The following HEXB variants were observed in gnomAD, a reference collection of about 807,000 sequenced individuals.
HEXB encodes beta-hexosaminidase subunit beta.
In HEXB, 51 loss-of-function variants were observed where a neutral mutation model predicts 71.2. The ratio of observed to expected loss-of-function variants is 0.72; its 90% confidence interval spans 0.57 to 0.90. HEXB has a LOEUF of 0.90. Among genes scored for constraint, HEXB ranks in the 40% least tolerant of loss-of-function variants. The pLI, the probability that HEXB is intolerant of heterozygous loss-of-function variation, is 0.00. For synonymous variants in HEXB, 266 were observed against 249.3 expected (o/e 1.07, Z -0.63); for missense variants, 617 against 677.0 (o/e 0.91, Z 0.98).
chr5:74,644,858 C>G lies in HEXB; in HGVS notation c.-377+4300C>G, dbSNP rs138444875. On this transcript the variant is annotated intron_variant, in intron 1 of 13. Transcript: ENST00000511181. ...GCAATCTCGGCTCACTACAACCTCCCCCTCTCAGATTCAAGCAATTCTCCT... is the reference window on the plus strand; with the variant it reads ...GCAATCTCGGCTCACTACAACCTCCGCCTCTCAGATTCAAGCAATTCTCCT... Among the ~76,000 whole-genome samples, 610 of 148,326 alleles carry G rather than the reference C, an allele frequency of 4.1e-3. 5 individuals are homozygous for G. The highest frequency in any genetic ancestry group is 0.014 in the African/African-American group (580 of 40,140).
rs757387257 is a variant in HEXB, at chr5:74,713,630, G to GAA, written c.899_900dup (p.Gly301LysfsTer7). ...ACCCCTGGGCATACACTATCTTGGG[G>GAA]AAAAGGTAAGGAGTTGTATTTTATT... is the stretch of plus-strand genomic sequence containing the variant. On this transcript the variant is annotated frameshift_variant, in exon 7 of 14. Transcript: ENST00000261416. LOFTEE classifies it high-confidence loss of function. 2 of 1,612,244 alleles carry GAA rather than the reference G, an allele frequency of 1.2e-6. No homozygotes were observed. Among genetic ancestry groups the GAA allele is most frequent in the South Asian group, 2.2e-5 (2 of 91,022 alleles).
chr5:74,674,576 T>C (rs1371948885), intron 1 of HEXB, among the ~76,000 whole-genome samples: 4 of 140,856 alleles, frequency 2.8e-5, no homozygotes, highest in Non-Finnish European at 6.0e-5. Context: ...TGCACTCCAG[T>C]CTGGGAGACA....
intron 1 of HEXB, among the ~76,000 whole-genome samples, chr5:74,651,311 T>A (rs972134813): frequency 6.6e-6 from 1 of 152,232 alleles, no homozygotes; most frequent in African/African-American, 2.4e-5. Context: ...ACTGTGTGTC[T>A]AACCCTTAGC....
intron 6 of HEXB, among the ~76,000 whole-genome samples, chr5:74,708,347 T>C (rs1167542929): frequency 5.4e-4 from 82 of 151,498 alleles, no homozygotes; most frequent in Non-Finnish European, 1.8e-4. Context: ...TGCCAAAGTG[T>C]AAAGACCATC....
intron 1 of HEXB, among the ~76,000 whole-genome samples, chr5:74,663,054 C>T (rs1018039758): frequency 3.3e-5 from 5 of 152,216 alleles, no homozygotes; most frequent in African/African-American, 1.2e-4. Flanking sequence ...TTAAAGTACA[C>T]ACTTCCAAGT....
chr5:74,678,530 A>G lies in HEXB; in HGVS notation c.-376-10798A>G, dbSNP rs190577986. 3.3e-3 allele frequency among the ~76,000 whole-genome samples: 360 copies of G among 109,308 alleles called. 2 individuals are homozygous for G. The highest frequency in any genetic ancestry group is 0.01 in the African/African-American group (349 of 34,458). 71.7% of individuals were successfully genotyped at this position (109,308 alleles called of 152,430 possible). On this transcript the variant is annotated intron_variant, in intron 1 of 13. Transcript: ENST00000511181. ...TTTCATGATTGGCTAGCCATTTGGG[A>G]AAAAAAAAGCCTTACCTTAACTATG...
At chr5:74,666,163 C>A (rs1460030160) in intron 1 of HEXB, among the ~76,000 whole-genome samples, 2 of 152,198 alleles carry the variant, frequency 1.3e-5, no homozygotes, top group Non-Finnish European at 2.9e-5. Context: ...GGCTCGACTG[C>A]AAACCATAGA....
At chr5:74,655,204 T>A (rs188091205) in intron 1 of HEXB, among the ~76,000 whole-genome samples, 3 of 152,286 alleles carry the variant, frequency 2.0e-5, no homozygotes, top group Admixed American at 2.0e-4. Context: ...ATGACATGGT[T>A]GTTCATAACA....
At chr5:74,668,328 T>TGTTA (rs1748474213) in intron 1 of HEXB, among the ~76,000 whole-genome samples, 1 of 152,126 alleles carries the variant, frequency 6.6e-6, no homozygotes, top group South Asian at 2.1e-4. Flanking sequence ...TTTTATAACT[T>TGTTA]GTTCATATAT....
intron 6 of HEXB, among the ~76,000 whole-genome samples, chr5:74,707,345 A>C (rs1749423537): frequency 1.3e-5 from 2 of 152,236 alleles, no homozygotes; most frequent in Non-Finnish European, 2.9e-5. Context: ...ATGGGGAAAA[A>C]ACAGAGCAGA....
chr5:74,644,293 C>T (rs1431252639), intron 1 of HEXB, among the ~76,000 whole-genome samples: 1 of 152,208 alleles, frequency 6.6e-6, no homozygotes, highest in Non-Finnish European at 1.5e-5. Context: ...GGCTACATCA[C>T]CCAGTTGCTG....
In HEXB at chr5:74,718,280, T is replaced by G; in HGVS notation, c.1170-11T>G. The G allele has an allele frequency of 6.5e-7, 1 of 1,530,682 alleles. No individual in the cohort carries two copies. Among genetic ancestry groups the G allele is most frequent in the Non-Finnish European group, 9.1e-7 (1 of 1,104,060 alleles). The allele number at this position is 1,530,682 out of a possible 1,614,324, so 94.8% of individuals were successfully genotyped here. On this transcript the variant is annotated splice_polypyrimidine_tract_variant and intron_variant, in intron 9 of 13. Transcript: ENST00000261416. The stretch of plus-strand genomic sequence containing the variant: ...TGATCTAAAATAACTATAATTTTTT[T>G]GTAATACTAGGGTTTTGGATATTAT...
intron 1 of HEXB, among the ~76,000 whole-genome samples, chr5:74,660,095 G>C (rs1748292031): frequency 6.6e-6 from 1 of 152,040 alleles, no homozygotes; most frequent in Non-Finnish European, 1.5e-5. Flanking sequence ...ATAAATAAAG[G>C]GACATTTGGA....
At chr5:74,689,507 C>G in intron 2 of HEXB, 34 bp downstream of exon 2, 1 of 1,596,196 alleles carries the variant, frequency 6.3e-7, no homozygotes, top group Non-Finnish European at 8.6e-7. Flanking sequence ...GTATTATATC[C>G]CAGGTGCTCG....
intron 9 of HEXB, among the ~76,000 whole-genome samples, chr5:74,717,366 G>GGC (rs1749696430): frequency 6.6e-6 from 1 of 151,950 alleles, no homozygotes; most frequent in African/African-American, 2.4e-5. Context: ...CTGTCCATAT[G>GGC]TAAATTAATT....
chr5:74,710,033 C>T, intron 6 of HEXB, among the ~76,000 whole-genome samples: 1 of 152,092 alleles, frequency 6.6e-6, no homozygotes, highest in Non-Finnish European at 1.5e-5. Context: ...ATGCAAAAAT[C>T]CTCAATAAAA....
chr5:74,687,472 G>A (rs752074176), intron 1 of HEXB, among the ~76,000 whole-genome samples: 3 of 152,152 alleles, frequency 2.0e-5, no homozygotes, highest in African/African-American at 7.2e-5. Flanking sequence ...CTAGAACAGC[G>A]TTCATCACAT....
chr5:74,721,062 TATGA>T, intron 13 of HEXB, 52 bp from the exon 14 acceptor site: 1 of 1,319,716 alleles, frequency 7.6e-7, no homozygotes, highest in Non-Finnish European at 1.1e-6. Flanking sequence ...AAAATATCTT[TATGA>T]ATGATATCAA....
chr5:74,665,674 G>T (rs1380416368), intron 1 of HEXB, among the ~76,000 whole-genome samples: 1 of 152,154 alleles, frequency 6.6e-6, no homozygotes, highest in East Asian at 1.9e-4. Context: ...TATTACAGAA[G>T]ACAGATAAGA....
Sources: allele counts gnomAD v4.1 joint callset (sites outside exome capture counted in the v4.1 genomes callset), GRCh38; gene constraint gnomAD v4.1.1; transcripts MANE v1.5; gene names NCBI Gene and HGNC (gene_info 2026-07-23, HGNC 2026-07-21).